The following CARS2 variants were observed in gnomAD, a reference collection of about 807,000 sequenced individuals.
CARS2 encodes cysteinyl-tRNA synthetase 2, mitochondrial, also known as probable cysteine--tRNA ligase, mitochondrial.
A neutral mutation model predicts 68.8 loss-of-function variants in CARS2; 52 were observed. That is an observed-to-expected ratio of 0.76 (90% CI 0.61 to 0.95). The LOEUF (loss-of-function observed/expected upper bound fraction) is 0.95, where lower values mean the gene tolerates loss of function less well. CARS2 is among the 40% of genes least tolerant of loss of function. The pLI is 0.00. For missense variants in CARS2, 780 were observed against 754.2 expected, an observed-to-expected ratio of 1.03 and a Z score of -0.40; for synonymous variants, 314 against 303.6, an observed-to-expected ratio of 1.03 and a Z score of -0.36.
intron 9 of CARS2, among the ~76,000 whole-genome samples, chr13:110,660,136 A>G (rs2986328): frequency 0.095 from 14,521 of 152,262 alleles, 947 homozygotes; most frequent in East Asian, 0.17. Flanking sequence ...CATCCATAAG[A>G]AGCAACTCCT....
chr13:110,713,472 C>G (rs1391014927), exon 1 of CARS2: 1 of 989,480 alleles, frequency 1.0e-6, no homozygotes, highest in South Asian at 4.4e-5. Context: ...CCGTCCACAC[C>G]CCAGCGGCCC....
At chr13:110,663,669 A>C in intron 8 of CARS2, 151 bp from the exon 9 acceptor site, 1 of 1,411,242 alleles carries the variant, frequency 7.1e-7, no homozygotes, top group Non-Finnish European at 9.2e-7. Context: ...CCAAATCTTC[A>C]CCCGTGCTGG....
Position 110,702,631 on chromosome 13 carries a change from C to T in CARS2, c.276-1076G>A, listed in dbSNP as rs1005964328. On this transcript the variant is annotated intron_variant, in intron 2 of 14. Coordinates refer to ENST00000257347, the MANE Select transcript of CARS2 (RefSeq NM_024537.4). Reference sequence around the variant, plus strand: ...TGGCCCAGAGGAGCCCAGGCTGAGTCCCGGAACTGCCCTTGGAGACAGCAG... The same window carrying T: ...TGGCCCAGAGGAGCCCAGGCTGAGTTCCGGAACTGCCCTTGGAGACAGCAG... Among the ~76,000 whole-genome samples, 5 of 152,214 alleles carry T rather than the reference C, an allele frequency of 3.3e-5. 1 individual carries two copies. The highest frequency in any genetic ancestry group is 2.9e-5 in the Non-Finnish European group (2 of 68,048).
rs553790956 is a variant in CARS2 at position 110,664,228 on chromosome 13, C to T, written c.920-710G>A. The T allele has an allele frequency of 4.6e-5, 45 of 984,312 alleles. No individual in the cohort carries two copies. In the African/African-American group the frequency reaches 5.6e-4, roughly 12 times the overall value. 61.0% of individuals were successfully genotyped at this position (984,312 alleles called of 1,614,324 possible). A position where few individuals can be genotyped will look rare whatever the true frequency, so the allele number is the denominator to read the frequency against. ...AACTTCAAACAGGAGTCCTCCAGGC[C>T]GGACGCAGTGGCTCACACCCGTAAT... is the stretch of plus-strand genomic sequence containing the variant. On this transcript the variant is annotated intron_variant, in intron 8 of 14. Transcript: ENST00000257347.
exon 1 of CARS2, chr13:110,713,419 C>G (rs937135315): frequency 9.9e-7 from 1 of 1,007,400 alleles, no homozygotes; most frequent in African/African-American, 1.7e-5. Context: ...CAGGCTCTGC[C>G]TCCAAGTGCC....
upstream of CARS2, among the ~76,000 whole-genome samples, chr13:110,708,630 G>C (rs1489408357): frequency 6.6e-6 from 1 of 151,388 alleles, no homozygotes; most frequent in Non-Finnish European, 1.5e-5. Flanking sequence ...GCAGTGGCCT[G>C]ATCTGGGTTC....
At chr13:110,713,319 T>C in exon 1 of CARS2, 5 of 1,156,730 alleles carry the variant, frequency 4.3e-6, no homozygotes, top group Admixed American at 4.6e-5. Context: ...CTCGGAGGTT[T>C]CTGTCCCGCG....
intron 12 of CARS2, chr13:110,644,692 A>C: frequency 1.3e-6 from 1 of 795,558 alleles, no homozygotes; most frequent in Non-Finnish European, 1.9e-6. Flanking sequence ...CTTGTGCCTC[A>C]GTTTACCCAT....
Position 110,665,074 on chromosome 13 carries a change from T to C in CARS2, c.920-1556A>G. 1 of 985,448 alleles carries C rather than the reference T, an allele frequency of 1.0e-6. No individual in the cohort carries two copies. The highest frequency in any genetic ancestry group is 1.2e-6 in the Non-Finnish European group (1 of 829,934). The allele number at this position is 985,448 out of a possible 1,614,324, so 61.0% of individuals were successfully genotyped here. ...CTTCTCCTGCGTCAGGAGACACTGATGTTTTGTTTGGGGCCAAACTAGTAT... is the reference window on the plus strand; with the variant it reads ...CTTCTCCTGCGTCAGGAGACACTGACGTTTTGTTTGGGGCCAAACTAGTAT... On this transcript the variant is annotated intron_variant, in intron 8 of 14. Coordinates refer to ENST00000257347, the MANE Select transcript of CARS2 (RefSeq NM_024537.4). The surrounding 1 kb of genome is among the most constrained non-coding windows in gnomAD (Gnocchi z 4.3).
intron 14 of CARS2, among the ~76,000 whole-genome samples, chr13:110,641,899 G>A (rs1223485886): frequency 1.3e-5 from 2 of 152,194 alleles, no homozygotes; most frequent in Non-Finnish European, 1.5e-5. Flanking sequence ...ATGGGGGTGG[G>A]TTTCTCTACT....
chr13:110,713,034 T>C (rs1333277617), intron 1 of CARS2: 7 of 1,483,700 alleles, frequency 4.7e-6, no homozygotes, highest in Non-Finnish European at 6.3e-6. Context: ...AGGGTGCCAG[T>C]GCGCATGCGC....
Position 110,646,098 on chromosome 13 carries a change from AAGAGG to A in CARS2, c.1194-13_1194-9del, listed in dbSNP as rs1888077800. Reference sequence around the variant, plus strand: ...CTCTTGGTGCTGGAGAGCCTGAGGGAAGAGGAGAGAACAGTCACAGCAGAGGGAGC... The same window carrying A: ...CTCTTGGTGCTGGAGAGCCTGAGGGAAGAGAACAGTCACAGCAGAGGGAGC... On this transcript the variant is annotated splice_polypyrimidine_tract_variant and intron_variant, in intron 11 of 14. Transcript: ENST00000257347. 2 of 1,612,090 alleles carry A rather than the reference AAGAGG, an allele frequency of 1.2e-6. No individual in the cohort carries two copies. The highest frequency in any genetic ancestry group is 1.3e-5 in the African/African-American group (1 of 74,982).
exon 1 of CARS2, chr13:110,713,300 T>A: frequency 3.3e-6 from 4 of 1,225,054 alleles, no homozygotes; most frequent in Non-Finnish European, 4.1e-6. Context: ...AGTTGCTGTG[T>A]ACCATGGTCT....
chr13:110,669,921 C>A (rs756688210), intron 7 of CARS2, among the ~76,000 whole-genome samples: 6 of 152,218 alleles, frequency 3.9e-5, no homozygotes, highest in South Asian at 2.1e-4. Flanking sequence ...TATCCTGCGC[C>A]TGGCTCGGAG....
chr13:110,678,911 G>A (rs1053139287), intron 6 of CARS2, among the ~76,000 whole-genome samples: 4 of 152,186 alleles, frequency 2.6e-5, no homozygotes, highest in East Asian at 1.9e-4. Context: ...ATGGACACGC[G>A]GGGCGGGGAG....
rs942629281 is a variant in CARS2, at chr13:110,670,096, G to C, written c.786-2623C>G. ...TGGGTGGAGCCCACTACAGCTCAAG[G>C]AGGCCTGCCCACCTCTGTAGACTCC... is the stretch of plus-strand genomic sequence containing the variant. On this transcript the variant is annotated intron_variant, in intron 7 of 14. Coordinates refer to ENST00000257347, the MANE Select transcript of CARS2 (RefSeq NM_024537.4). The surrounding 1 kb of genome is among the most constrained non-coding windows in gnomAD (Gnocchi z 4.1). 1.3e-5 allele frequency among the ~76,000 whole-genome samples: 2 copies of C among 152,226 alleles called. No homozygotes were observed. Among genetic ancestry groups the C allele is most frequent in the Non-Finnish European group, 2.9e-5 (2 of 68,040 alleles).
intron 7 of CARS2, among the ~76,000 whole-genome samples, chr13:110,669,324 T>A (rs948515908): frequency 5.3e-5 from 8 of 152,062 alleles, no homozygotes; most frequent in Admixed American, 4.6e-4. Flanking sequence ...TGGAGCAGAG[T>A]CCTCGTGTGG....
chr13:110,664,621 A>C (rs970129408), intron 8 of CARS2: 1 of 982,002 alleles, frequency 1.0e-6, no homozygotes, highest in African/African-American at 1.7e-5. Flanking sequence ...TGATTACACC[A>C]AGCACGATTC....
At chr13:110,654,204 A>G (rs1204736002) in intron 9 of CARS2, among the ~76,000 whole-genome samples, 2 of 152,212 alleles carry the variant, frequency 1.3e-5, no homozygotes, top group Non-Finnish European at 1.5e-5. Context: ...GGGCAGAAGC[A>G]GGCACCAGAG....
Sources: gnomAD v4.1 joint callset for allele counts (sites outside exome capture counted in the v4.1 genomes callset) on GRCh38, gnomAD v4.1.1 for gene constraint, Gnocchi (gnomAD v3.1) non-coding constraint, MANE v1.5 for transcripts, NCBI Gene and HGNC (gene_info 2026-07-23, HGNC 2026-07-21) for gene names.